The following NRG3 variants were observed in gnomAD, a reference collection of about 807,000 sequenced individuals.
NRG3 encodes pro-neuregulin-3, membrane-bound isoform.
NRG3 carries 31 observed loss-of-function variants against 66.9 expected under a neutral mutation model. The ratio of observed to expected loss-of-function variants is 0.46; its 90% CI spans 0.35 to 0.63. The LOEUF is 0.63. Among genes scored for constraint, NRG3 ranks in the 20% least tolerant of loss-of-function variants. The pLI, the probability that NRG3 is intolerant of heterozygous loss-of-function variation, is 0.00. For missense variants in NRG3, 910 were observed against 878.9 expected, an observed-to-expected ratio of 1.04 and a Z score of -0.45; for synonymous variants, 393 against 359.4, an observed-to-expected ratio of 1.09 and a Z score of -1.06.
chr10:82,515,600 A>T (rs1253872530), intron 2 of NRG3, among the ~76,000 whole-genome samples: 1 of 152,242 alleles, frequency 6.6e-6, no homozygotes, highest in Non-Finnish European at 1.5e-5. Flanking sequence ...CTTATTGGAT[A>T]TGCAGTGACA....
intron 2 of NRG3, among the ~76,000 whole-genome samples, chr10:82,721,131 T>G (rs2134507527): frequency 9.4e-6 from 1 of 106,616 alleles, no homozygotes; most frequent in South Asian, 3.5e-4. Context: ...CCCTTTTTTT[T>G]TTTTTTTTTT....
At chr10:82,783,353 C>A (rs565292926) in intron 3 of NRG3, among the ~76,000 whole-genome samples, 135 of 150,858 alleles carry the variant, frequency 8.9e-4, no homozygotes, top group Admixed American at 1.9e-3. Flanking sequence ...GAAGTTCTGG[C>A]CAGGGCAATT....
At chr10:82,504,886 A>G (rs1250198641) in intron 2 of NRG3, among the ~76,000 whole-genome samples, 1 of 151,370 alleles carries the variant, frequency 6.6e-6, no homozygotes, top group Non-Finnish European at 1.5e-5. Flanking sequence ...TTTTTTTGTT[A>G]CTACAGCATA....
intron 3 of NRG3, among the ~76,000 whole-genome samples, chr10:82,765,715 G>T (rs954614000): frequency 6.6e-6 from 1 of 152,112 alleles, no homozygotes; most frequent in Non-Finnish European, 1.5e-5. Flanking sequence ...GAGGAATGTG[G>T]TATCCTGATC....
At chr10:82,973,678 G>C (rs1246533859) in intron 6 of NRG3, 110 bp from the exon 7 acceptor site, 1 of 1,174,318 alleles carries the variant, frequency 8.5e-7, no homozygotes, top group African/African-American at 1.5e-5. Flanking sequence ...CTCTAGTCAG[G>C]TGACCAGGAG....
intron 4 of NRG3, among the ~76,000 whole-genome samples, chr10:82,866,153 A>C (rs1840710958): frequency 6.6e-6 from 1 of 152,156 alleles, no homozygotes; most frequent in South Asian, 2.1e-4. Flanking sequence ...CATGGATGGA[A>C]AGACACTCAG....
intron 2 of NRG3, among the ~76,000 whole-genome samples, chr10:82,695,761 G>A (rs570146427): frequency 4.8e-4 from 73 of 152,058 alleles, no homozygotes; most frequent in Middle Eastern, 3.4e-3. Context: ...AGTTCTCTAA[G>A]GTAAATTTTT....
At chr10:82,931,102 T>C (rs937692901) in intron 4 of NRG3, among the ~76,000 whole-genome samples, 4 of 152,142 alleles carry the variant, frequency 2.6e-5, no homozygotes, top group African/African-American at 4.8e-5. Context: ...ACACATCCCC[T>C]CCACTAACTG....
At chr10:82,130,134 A>G (rs185222159) in intron 1 of NRG3, among the ~76,000 whole-genome samples, 51 of 151,926 alleles carry the variant, frequency 3.4e-4, no homozygotes, top group Non-Finnish European at 5.9e-4. Flanking sequence ...GTGTATATGT[A>G]TCATATTTTC....
intron 2 of NRG3, among the ~76,000 whole-genome samples, chr10:82,580,347 A>C (rs1334068773): frequency 1.3e-5 from 2 of 151,800 alleles, no homozygotes; most frequent in Admixed American, 6.6e-5. Context: ...CTCCCCCCCC[A>C]CAGTTTCCAC....
At chr10:82,213,953 G>A (rs1187273842) in intron 1 of NRG3, among the ~76,000 whole-genome samples, 3 of 152,130 alleles carry the variant, frequency 2.0e-5, no homozygotes, top group Non-Finnish European at 2.9e-5. Flanking sequence ...ACTGAGCCAC[G>A]TGGAGGCACT....
intron 2 of NRG3, among the ~76,000 whole-genome samples, chr10:82,736,184 A>G (rs1407709639): frequency 6.6e-6 from 1 of 152,200 alleles, no homozygotes; most frequent in East Asian, 1.9e-4. Context: ...ATGCAATAAT[A>G]TTTCTCAAAA....
chr10:82,798,182 G>A (rs999237797), intron 3 of NRG3, among the ~76,000 whole-genome samples: 2 of 152,098 alleles, frequency 1.3e-5, no homozygotes, highest in Non-Finnish European at 2.9e-5. Flanking sequence ...AACCCACAGA[G>A]TTAGGGGCTG....
intron 2 of NRG3, among the ~76,000 whole-genome samples, chr10:82,405,816 C>A (rs967637753): frequency 6.6e-6 from 1 of 152,170 alleles, no homozygotes; most frequent in African/African-American, 2.4e-5. Context: ...AAATATTTCG[C>A]AAATGATTGG....
At chr10:82,328,602 G>C (rs143750766) in intron 1 of NRG3, among the ~76,000 whole-genome samples, 4 of 152,244 alleles carry the variant, frequency 2.6e-5, no homozygotes, top group African/African-American at 9.6e-5. Flanking sequence ...GTTTGAGCAA[G>C]GATTGCTCAA....
intron 2 of NRG3, among the ~76,000 whole-genome samples, chr10:82,517,673 G>GCA (rs57504171): frequency 6.2e-4 from 32 of 51,916 alleles, no homozygotes; most frequent in African/African-American, 1.1e-3. Flanking sequence ...GTGTGTGCAT[G>GCA]TGTGTGTGTG....
chr10:82,154,963 G>C lies in NRG3; in HGVS notation c.824-203776G>C, dbSNP rs149162428. On this transcript the variant is annotated intron_variant, in intron 1 of 8. Coordinates refer to ENST00000372141, the MANE Select transcript of NRG3 (RefSeq NM_001010848.4). ...AACAACTTTAGGTGAACACTTTAGG[G>C]TTTCTTCTATATAAGATCATCAGCA... Among the ~76,000 whole-genome samples the C allele has an allele frequency of 4.4e-3, 673 of 151,760 alleles. 3 individuals carry two copies. Among genetic ancestry groups the C allele is most frequent in the African/African-American group, 0.012 (478 of 41,490 alleles).
chr10:82,607,047 C>G (rs991840216), intron 2 of NRG3, among the ~76,000 whole-genome samples: 4 of 152,058 alleles, frequency 2.6e-5, no homozygotes, highest in Admixed American at 6.6e-5. Context: ...TTTGACTGTC[C>G]TACAATTATT....
intron 1 of NRG3, among the ~76,000 whole-genome samples, chr10:82,144,548 T>TATGAGACTA (rs2070099580): frequency 6.6e-6 from 1 of 152,104 alleles, no homozygotes; most frequent in East Asian, 1.9e-4. Context: ...AAGAGAGTAG[T>TATGAGACTA]CTCATGGGCT....
Sources: allele counts gnomAD v4.1 joint callset (sites outside exome capture counted in the v4.1 genomes callset), GRCh38; gene constraint gnomAD v4.1.1; transcripts MANE v1.5; gene names NCBI Gene and HGNC (gene_info 2026-07-23, HGNC 2026-07-21).